IPO11: variants seen among roughly 807,000 people sequenced by gnomAD.
The protein encoded by IPO11 is importin-11.
Under a neutral mutation model 143.2 loss-of-function variants are expected in IPO11, and 66 were observed. The ratio of observed to expected loss-of-function variants is 0.46; its 90% CI spans 0.38 to 0.57. The LOEUF is 0.57. Among genes scored for constraint, IPO11 ranks in the 20% least tolerant of loss-of-function variants. The pLI is 0.00. For synonymous variants in IPO11, 385 were observed against 377.8 expected (o/e 1.02, Z -0.22); for missense variants, 1,026 against 1,141.0 (o/e 0.90, Z 1.45).
intron 1 of IPO11, among the ~76,000 whole-genome samples, chr5:62,422,229 C>T (rs1743539286): frequency 6.6e-6 from 1 of 152,124 alleles, no homozygotes; most frequent in Non-Finnish European, 1.5e-5. Context: ...TGGGTTCAAG[C>T]AGTTCTCCTG....
intron 29 of IPO11, among the ~76,000 whole-genome samples, chr5:62,615,830 G>A (rs770040490): frequency 1.1e-4 from 16 of 152,074 alleles, no homozygotes; most frequent in African/African-American, 3.9e-4. Context: ...CCTATCTCAG[G>A]TTTATTGGGC....
At chr5:62,578,592 T>A in intron 27 of IPO11, 1 of 401,846 alleles carries the variant, frequency 2.5e-6, no homozygotes, top group East Asian at 7.8e-5. Context: ...ATAGGAGATA[T>A]TTCAATGTGT....
chr5:62,578,794 A>T (rs1744421113), intron 27 of IPO11: 3 of 216,144 alleles, frequency 1.4e-5, no homozygotes, highest in South Asian at 5.3e-5. Context: ...CGGTGACTTA[A>T]AAAAAAAAAA....
At chr5:62,514,044 A>G (rs1319588334) in intron 19 of IPO11, among the ~76,000 whole-genome samples, 3 of 146,170 alleles carry the variant, frequency 2.1e-5, no homozygotes, top group African/African-American at 7.8e-5. Context: ...GGGGGCCGGG[A>G]CGAGGCGCTC....
intron 27 of IPO11, among the ~76,000 whole-genome samples, chr5:62,570,306 C>T (rs1375486079): frequency 2.6e-5 from 4 of 152,000 alleles, no homozygotes; most frequent in Non-Finnish European, 4.4e-5. Context: ...TTCCCCTCTC[C>T]ACTCCCCCCA....
intron 1 of IPO11, chr5:62,419,206 A>C: frequency 6.8e-7 from 1 of 1,472,318 alleles, no homozygotes; most frequent in Non-Finnish European, 9.1e-7. Flanking sequence ...AAAATGGTAC[A>C]TCTGTACAGG....
intron 27 of IPO11, chr5:62,581,253 A>G (rs1744548921): frequency 2.9e-5 from 45 of 1,537,982 alleles, no homozygotes; most frequent in Non-Finnish European, 3.8e-5. Context: ...TTCATAAACA[A>G]ATTGTTCCTG....
At chr5:62,555,117 A>AT (rs200471708) in intron 26 of IPO11, among the ~76,000 whole-genome samples, 32 of 151,346 alleles carry the variant, frequency 2.1e-4, no homozygotes, top group South Asian at 2.1e-3. Flanking sequence ...TCCCATACAA[A>AT]TTTTTTTTTC....
At chr5:62,519,021 A>G (rs558443425) in intron 20 of IPO11, among the ~76,000 whole-genome samples, 7 of 152,282 alleles carry the variant, frequency 4.6e-5, no homozygotes, top group East Asian at 1.9e-4. Flanking sequence ...TACATGGCCA[A>G]TTCCCTGTGT....
At chr5:62,551,083 C>T (rs1366476119) in intron 25 of IPO11, 140 bp from the exon 26 acceptor site, 3 of 440,536 alleles carry the variant, frequency 6.8e-6, no homozygotes, top group Non-Finnish European at 1.2e-5. Flanking sequence ...AGAACTCAGG[C>T]AGTATTGATA....
intron 3 of IPO11, among the ~76,000 whole-genome samples, chr5:62,447,871 C>T (rs530613365): frequency 7.2e-5 from 11 of 152,028 alleles, no homozygotes; most frequent in African/African-American, 1.7e-4. Context: ...ACAGTCACCA[C>T]GCCCAGCTAA....
At chr5:62,567,708 A>G (rs893764673) in intron 27 of IPO11, among the ~76,000 whole-genome samples, 3 of 150,630 alleles carry the variant, frequency 2.0e-5, no homozygotes, top group Non-Finnish European at 3.0e-5. Context: ...GATTACAGGG[A>G]TGCACCACCA....
At chr5:62,574,400 C>T (rs895692768) in intron 27 of IPO11, among the ~76,000 whole-genome samples, 6 of 152,034 alleles carry the variant, frequency 3.9e-5, no homozygotes, top group African/African-American at 1.4e-4. Flanking sequence ...AAATAAGAAC[C>T]ATCAAAATGG....
intron 16 of IPO11, among the ~76,000 whole-genome samples, chr5:62,496,956 A>G (rs978944808): frequency 6.6e-6 from 1 of 152,244 alleles, no homozygotes; most frequent in African/African-American, 2.4e-5. Context: ...AAATTTGTGA[A>G]GTCCTATACT....
chr5:62,546,859 A>T (rs1277756006), intron 24 of IPO11, among the ~76,000 whole-genome samples: 1 of 152,158 alleles, frequency 6.6e-6, no homozygotes, highest in Non-Finnish European at 1.5e-5. Flanking sequence ...TCTTCTGTTT[A>T]AAAAGTAGAA....
chr5:62,447,222 C>T (rs1744751122), intron 3 of IPO11, among the ~76,000 whole-genome samples: 1 of 152,054 alleles, frequency 6.6e-6, no homozygotes, highest in Non-Finnish European at 1.5e-5. Context: ...CCTTCTGCCT[C>T]AGCCTCCTGA....
At chr5:62,516,689 C>G (rs1242560194) in intron 20 of IPO11, among the ~76,000 whole-genome samples, 2 of 152,090 alleles carry the variant, frequency 1.3e-5, no homozygotes, top group Non-Finnish European at 2.9e-5. Flanking sequence ...ATGTACATTT[C>G]CCTGCTTTCT....
chr5:62,627,193 C>G lies in IPO11; in HGVS notation c.2803C>G (p.Gln935Glu). 6.2e-7 allele frequency: 1 copy of G among 1,614,134 alleles called. No homozygotes were observed. The highest frequency in any genetic ancestry group is 8.5e-7 in the Non-Finnish European group (1 of 1,179,984). Residue 935 changes from glutamine (Q) to glutamate (E), a missense_variant, in exon 30 of 30, where the codon CAG (glutamine) becomes GAG (glutamate). By Grantham distance (29) the Gln-to-Glu change is conservative (BLOSUM62 2). Around this residue, in one of 5 missense-constraint regions of IPO11, gnomAD observed 351 missense variants for 358.9 expected, o/e 0.98. Transcript: ENST00000325324. Reference protein sequence around the residue: ...KDPVHTVSLQQFIYEKLKAQQ... With the variant: ...KDPVHTVSLQEFIYEKLKAQQ... The stretch of plus-strand genomic sequence containing the variant: ...CCCTGTTCATACAGTGTCACTGCAG[C>G]AGTTCATCTACGAGAAGCTCAAGGC...
intron 27 of IPO11, chr5:62,580,856 G>C (rs1238091805): frequency 6.4e-7 from 1 of 1,551,170 alleles, no homozygotes; most frequent in Admixed American, 2.0e-5. Flanking sequence ...AATGCCTTTG[G>C]TAATCCATTA....
Sources: allele counts gnomAD v4.1 joint callset (sites outside exome capture counted in the v4.1 genomes callset), GRCh38; gene constraint gnomAD v4.1.1; regional missense constraint gnomAD v4.1.1; transcripts MANE v1.5; gene names NCBI Gene and HGNC (gene_info 2026-07-23, HGNC 2026-07-21).